GABPB2: variants seen among roughly 807,000 people sequenced by gnomAD.
GABPB2 encodes the protein GA-binding protein subunit beta-2.
GABPB2 carries 23 observed loss-of-function variants against 39.1 expected under a neutral mutation model. The observed-to-expected ratio is 0.59, with a 90% CI of 0.42 to 0.83. The LOEUF (loss-of-function observed/expected upper bound fraction) is 0.83, where lower values mean the gene tolerates loss of function less well. Ranked by LOEUF, GABPB2 falls within the 40% of genes least tolerant of loss-of-function variation. The pLI is 0.00. For synonymous variants in GABPB2, 184 were observed against 199.3 expected, an observed-to-expected ratio of 0.92 and a Z score of 0.65; for missense variants, 467 against 541.1, an observed-to-expected ratio of 0.86 and a Z score of 1.36.
chr1:151,071,761 G>A (rs1232924576), intron 1 of GABPB2, among the ~76,000 whole-genome samples: 1 of 152,088 alleles, frequency 6.6e-6, no homozygotes, highest in Admixed American at 6.6e-5. Context: ...CGTGAGCCAC[G>A]GCTCCCGGCC....
intron 3 of GABPB2, 86 bp downstream of exon 3, chr1:151,090,659 C>A: frequency 7.6e-7 from 1 of 1,316,090 alleles, no homozygotes; most frequent in Non-Finnish European, 1.1e-6. Flanking sequence ...TAGGAAATGA[C>A]TTGGGAATGA....
chr1:151,116,415 A>C (rs938835165), intron 7 of GABPB2, among the ~76,000 whole-genome samples: 5 of 151,574 alleles, frequency 3.3e-5, no homozygotes, highest in Non-Finnish European at 7.4e-5. Flanking sequence ...AAAAAAAAAA[A>C]AACAACTTTT....
At chr1:151,080,871 AAAAG>A (rs959805118) in intron 1 of GABPB2, among the ~76,000 whole-genome samples, 29 of 149,246 alleles carry the variant, frequency 1.9e-4, no homozygotes, top group East Asian at 5.9e-4. Context: ...AAAAAAATAA[AAAAG>A]AAAGGTTTTT....
intron 7 of GABPB2, among the ~76,000 whole-genome samples, chr1:151,110,963 A>C (rs1680376924): frequency 6.6e-6 from 1 of 152,162 alleles, no homozygotes; most frequent in South Asian, 2.1e-4. Flanking sequence ...GATTATGTAA[A>C]TCTTCTGTTT....
chr1:151,095,573 T>C (rs1444736355), intron 4 of GABPB2, among the ~76,000 whole-genome samples: 1 of 152,204 alleles, frequency 6.6e-6, no homozygotes. Flanking sequence ...GAAGTGCTAC[T>C]ATTTCGCCAC....
chr1:151,106,918 CA>C (rs1261849981), intron 6 of GABPB2, 118 bp from the exon 7 acceptor site: 2 of 625,136 alleles, frequency 3.2e-6, no homozygotes, highest in African/African-American at 3.8e-5. Flanking sequence ...TGTTGAATCT[CA>C]CTTTTTTTTT....
chr1:151,101,265 T>A (rs1417287341), intron 5 of GABPB2, among the ~76,000 whole-genome samples: 2 of 150,308 alleles, frequency 1.3e-5, no homozygotes, highest in African/African-American at 4.9e-5. Context: ...AAAAATAAAT[T>A]AAGAGTACAT....
chr1:151,114,474 C>T (rs587662085), intron 7 of GABPB2, among the ~76,000 whole-genome samples: 29 of 151,922 alleles, frequency 1.9e-4, no homozygotes, highest in Non-Finnish European at 3.2e-4. Context: ...CCGAGGTGGA[C>T]GGATCACAAG....
Position 151,118,458 on chromosome 1 carries a change from CA to C in GABPB2, c.*206del. On this transcript the variant is annotated 3_prime_UTR_variant, in exon 9 of 9. Coordinates refer to ENST00000368918, the MANE Select transcript of GABPB2 (RefSeq NM_144618.3). ...TTAGGGAACATTTTTTCTGAGGGGCCAAAAGAATAAAGGACCAAATTTCTTA... is the reference window on the plus strand; with the variant it reads ...TTAGGGAACATTTTTTCTGAGGGGCCAAAGAATAAAGGACCAAATTTCTTA... 1 of 494,472 alleles carries C rather than the reference CA, an allele frequency of 2.0e-6. No homozygotes were observed. The highest frequency in any genetic ancestry group is 3.5e-6 in the Non-Finnish European group (1 of 282,158). 30.6% of individuals were successfully genotyped at this position (494,472 alleles called of 1,614,324 possible). A position where few individuals can be genotyped will look rare whatever the true frequency, so the allele number is the denominator to read the frequency against.
In GABPB2 at chr1:151,123,713, G is replaced by C. The variant is rs966243436; in HGVS notation, c.*5457G>C. 6.6e-6 allele frequency: 1 copy of C among 151,552 alleles called. No homozygotes were observed. The highest frequency in any genetic ancestry group is 2.4e-5 in the African/African-American group (1 of 41,132). 9.4% of individuals were successfully genotyped at this position (151,552 alleles called of 1,614,324 possible). A position where few individuals can be genotyped will look rare whatever the true frequency, so the allele number is the denominator to read the frequency against. ...TAAAAATACAAAAAATTAGCCGGGC[G>C]TGGTGGTGGGTGCCTGTAGTCCCAG... is the stretch of plus-strand genomic sequence containing the variant. On this transcript the variant is annotated 3_prime_UTR_variant, in exon 9 of 9. Coordinates refer to ENST00000368918, the MANE Select transcript of GABPB2 (RefSeq NM_144618.3).
At chr1:151,090,913 G>A (rs1244861336) in intron 3 of GABPB2, among the ~76,000 whole-genome samples, 4 of 151,644 alleles carry the variant, frequency 2.6e-5, no homozygotes, top group East Asian at 2.0e-4. Context: ...CAGGAGAATC[G>A]CTTGAACCTG....
At chr1:151,087,372 C>T (rs183345691) in intron 1 of GABPB2, among the ~76,000 whole-genome samples, 4 of 152,004 alleles carry the variant, frequency 2.6e-5, no homozygotes, top group Admixed American at 6.6e-5. Context: ...TTGGGCCGGG[C>T]GCAGTGGCTC....
At chr1:151,073,495 T>A (rs1676892658) in intron 1 of GABPB2, among the ~76,000 whole-genome samples, 1 of 152,194 alleles carries the variant, frequency 6.6e-6, no homozygotes, top group Non-Finnish European at 1.5e-5. Flanking sequence ...CAGGCAGGTA[T>A]TGACCACCTG....
chr1:151,083,575 A>G (rs587631673), intron 1 of GABPB2, among the ~76,000 whole-genome samples: 1 of 152,100 alleles, frequency 6.6e-6, no homozygotes, highest in South Asian at 2.1e-4. Context: ...AGAGGTTGGC[A>G]GTAAGCCGTC....
intron 4 of GABPB2, among the ~76,000 whole-genome samples, 181 bp from the exon 5 acceptor site, chr1:151,097,671 C>T (rs587613620): frequency 2.6e-5 from 4 of 151,366 alleles, no homozygotes; most frequent in African/African-American, 7.3e-5. Context: ...CCCAGCTGCT[C>T]GGGAGGGTGA....
Position 151,125,455 on chromosome 1 carries a change from T to C in GABPB2, c.*7199T>C, listed in dbSNP as rs587716915. On this transcript the variant is annotated 3_prime_UTR_variant, in exon 9 of 9. Transcript: ENST00000368918. ...ATGTGTGTATGAGCATTTGTATGTATATATACTTATACAGATCTATATTAT... is the reference window on the plus strand; with the variant it reads ...ATGTGTGTATGAGCATTTGTATGTACATATACTTATACAGATCTATATTAT... The C allele has an allele frequency of 6.6e-6, 1 of 152,296 alleles. No homozygotes were observed. The highest frequency in any genetic ancestry group is 2.4e-5 in the African/African-American group (1 of 41,562). 9.4% of individuals were successfully genotyped at this position (152,296 alleles called of 1,614,324 possible).
chr1:151,090,221 G>A (rs1342827997), intron 2 of GABPB2, among the ~76,000 whole-genome samples, 185 bp from the exon 3 acceptor site: 1 of 152,146 alleles, frequency 6.6e-6, no homozygotes, highest in African/African-American at 2.4e-5. Flanking sequence ...TAGGATTACA[G>A]GTGTGAGCCA....
intron 1 of GABPB2, among the ~76,000 whole-genome samples, chr1:151,078,332 G>A (rs1012035129): frequency 3.3e-5 from 5 of 151,760 alleles, no homozygotes; most frequent in South Asian, 4.2e-4. Flanking sequence ...GGTGGCTCAC[G>A]CCTGTAATCC....
At chr1:151,088,776 G>A (rs587633616) in intron 2 of GABPB2, among the ~76,000 whole-genome samples, 5 of 152,256 alleles carry the variant, frequency 3.3e-5, no homozygotes, top group African/African-American at 1.2e-4. Context: ...CAAGGCGGGC[G>A]GATCACCTGA....
Sources: allele counts gnomAD v4.1 joint callset (sites outside exome capture counted in the v4.1 genomes callset), GRCh38; gene constraint gnomAD v4.1.1; transcripts MANE v1.5; gene names NCBI Gene and HGNC (gene_info 2026-07-23, HGNC 2026-07-21).